PYGM: variants seen among roughly 807,000 people sequenced by gnomAD.
The protein encoded by PYGM is glycogen phosphorylase, muscle associated.
In PYGM, 81 loss-of-function variants were observed where a neutral mutation model predicts 99.3. The observed-to-expected ratio is 0.82, with a 90% CI of 0.68 to 0.98. The LOEUF is 0.98. PYGM is among the 50% of genes least tolerant of loss of function. The pLI is 0.00. For missense variants in PYGM, 1,030 were observed against 1,158.1 expected (o/e 0.89, Z 1.61); for synonymous variants, 436 against 451.5 (o/e 0.97, Z 0.44).
rs71581782 is a variant in PYGM, at chr11:64,753,495, C to T, written c.1403+24G>A. The T allele has an allele frequency of 2.5e-3, 3,885 of 1,564,218 alleles. 9 individuals are homozygous for T. The highest frequency in any genetic ancestry group is 0.012 in the Middle Eastern group (71 of 5,966). ...GGAGTGGGTGGGGCCTAGAGAGGGG[C>T]GGGATCTGGAAAGCGGGGCTCACAT... On this transcript the variant is annotated intron_variant, in intron 11 of 19. Coordinates refer to ENST00000164139, the MANE Select transcript of PYGM (RefSeq NM_005609.4).
chr11:64,751,988 C>T lies in PYGM; in HGVS notation c.1704G>A (p.Val568=), dbSNP rs1231749835. ...INPNSLFDIQ[V]KRIHEYKRQL... is the part of the protein sequence containing the mutation. ...GTCGTTTATATTCGTGAATCCGCTT[C>T]ACCTGGATGTCGAAGAGTGAGTTGG... is the stretch of plus-strand genomic sequence containing the variant. Residue 568 remains valine, a synonymous_variant, in exon 14 of 20, where the codon GTG becomes GTA. Coordinates refer to ENST00000164139, the MANE Select transcript of PYGM (RefSeq NM_005609.4). 6.2e-7 allele frequency: 1 copy of T among 1,613,986 alleles called. No individual in the cohort carries two copies. The highest frequency in any genetic ancestry group is 1.3e-5 in the African/African-American group (1 of 74,904).
At position 64,759,717 on chromosome 11, in the gene PYGM, C is replaced by CG. The variant is rs756441997; in HGVS notation, c.181dup (p.Arg61ProfsTer17). ...GATCCAGCGCCCCACGAGGTGGTCG[C>CG]GCACGGTATGGGCCAGAGCAAAGTA... On this transcript the variant is annotated frameshift_variant, in exon 1 of 20. Transcript: ENST00000164139. LOFTEE classifies it high-confidence loss of function. The CG allele has an allele frequency of 1.2e-6, 2 of 1,614,184 alleles. No homozygotes were observed. The highest frequency in any genetic ancestry group is 8.5e-7 in the Non-Finnish European group (1 of 1,180,028).
Position 64,752,392 on chromosome 11 carries a change from T to C in PYGM, c.1620+11A>G. The C allele has an allele frequency of 1.9e-6, 3 of 1,612,320 alleles. No homozygotes were observed. Among genetic ancestry groups the C allele is most frequent in the Non-Finnish European group, 2.5e-6 (3 of 1,178,334 alleles). ...CACAGCACAGCTGTCCCACATTGCATCTCTCCCCACCTGCTTCACTTTGGC... is the reference window on the plus strand; with the variant it reads ...CACAGCACAGCTGTCCCACATTGCACCTCTCCCCACCTGCTTCACTTTGGC... On this transcript the variant is annotated intron_variant, in intron 13 of 19. Coordinates refer to ENST00000164139, the MANE Select transcript of PYGM (RefSeq NM_005609.4).
At position 64,759,932 on chromosome 11, in the gene PYGM, G is replaced by A. The variant is rs2058423737; in HGVS notation, c.-34C>T. ...GAGGGCGGGCCGGACTGGACTGATGGTAGAGGGGACGGCGGCCTCAGCACT... is the reference window on the plus strand; with the variant it reads ...GAGGGCGGGCCGGACTGGACTGATGATAGAGGGGACGGCGGCCTCAGCACT... On this transcript the variant is annotated 5_prime_UTR_variant, in exon 1 of 20. Coordinates refer to ENST00000164139, the MANE Select transcript of PYGM (RefSeq NM_005609.4). 6.2e-7 allele frequency: 1 copy of A among 1,610,956 alleles called. No homozygotes were observed.
Position 64,758,459 on chromosome 11 carries a change from G to T in PYGM, c.402C>A (p.Asn134Lys). 3.7e-6 allele frequency: 6 copies of T among 1,613,938 alleles called. No individual in the cohort carries two copies. The highest frequency in any genetic ancestry group is 5.1e-6 in the Non-Finnish European group (6 of 1,180,010). ...EEIEEDAGLG[N>K]GGLGRLAACF... ...TACCTGCCAGCCGGCCCAGGCCCCC[G>T]TTGCCCAGCCCCGCATCCTCCTCAA... The change falls in exon 3 of 20, where the codon AAC becomes AAA. Residue 134 changes from asparagine (N) to lysine (K), a missense_variant. Coordinates refer to ENST00000164139, the MANE Select transcript of PYGM (RefSeq NM_005609.4).
Position 64,750,509 on chromosome 11 carries a change from A to G in PYGM, c.2044T>C (p.Phe682Leu), listed in dbSNP as rs745509448. Residue 682 changes from phenylalanine to leucine, a missense_variant, in exon 17 of 20, where the codon TTC (phenylalanine) becomes CTC (leucine). Coordinates refer to ENST00000164139, the MANE Select transcript of PYGM (RefSeq NM_005609.4). The part of the protein sequence containing the change: ...TEASGTGNMK[F>L]MLNGALTIGT... ...ATGGTCAGAGCCCCGTTGAGCATGA[A>G]CTTCATGTTGCCGGTGCCTGAGGCT... is the stretch of plus-strand genomic sequence containing the variant. 6.2e-7 allele frequency: 1 copy of G among 1,614,000 alleles called. No individual in the cohort carries two copies. Among genetic ancestry groups the G allele is most frequent in the Non-Finnish European group, 8.5e-7 (1 of 1,180,026 alleles).
intron 12 of PYGM, among the ~76,000 whole-genome samples, 194 bp downstream of exon 12, chr11:64,752,879 G>T (rs1048310885): frequency 3.3e-5 from 5 of 152,174 alleles, no homozygotes; most frequent in African/African-American, 9.7e-5. Flanking sequence ...GCCTCCATTA[G>T]CACACAGAGC....
intron 13 of PYGM, 125 bp downstream of exon 13, chr11:64,752,278 C>G: frequency 7.4e-7 from 1 of 1,350,516 alleles, no homozygotes; most frequent in Non-Finnish European, 1.0e-6. Flanking sequence ...AGACTCCAGG[C>G]AACTTCCACC....
upstream of PYGM, chr11:64,760,104 G>A: frequency 1.3e-6 from 1 of 787,550 alleles, no homozygotes. Flanking sequence ...AGAGGAGAGG[G>A]GAGGGAGAGG....
At position 64,753,547 on chromosome 11, in the gene PYGM, T is replaced by C. The variant is rs377371768; in HGVS notation, c.1375A>G (p.Ile459Val). The change falls in exon 11 of 20, where the codon ATC becomes GTC. Residue 459 changes from isoleucine (I) to valine (V), a missense_variant. By Grantham distance (29) the Ile-to-Val change is conservative. Coordinates refer to ENST00000164139, the MANE Select transcript of PYGM (RefSeq NM_005609.4). The part of the protein sequence containing the change: ...GSHAVNGVAR[I>V]HSEILKKTIF... ...GTCTTCTTGAGGATCTCGGAGTGGATGCGCGCCACGCCGTTGACGGCGTGC... is the reference window on the plus strand; with the variant it reads ...GTCTTCTTGAGGATCTCGGAGTGGACGCGCGCCACGCCGTTGACGGCGTGC... The C allele has an allele frequency of 3.5e-5, 56 of 1,598,178 alleles. No homozygotes were observed. The highest frequency in any genetic ancestry group is 4.7e-5 in the Non-Finnish European group (55 of 1,175,686).
intron 17 of PYGM, 112 bp downstream of exon 17, chr11:64,750,264 C>T: frequency 8.3e-7 from 1 of 1,208,910 alleles, no homozygotes; most frequent in Non-Finnish European, 1.2e-6. Flanking sequence ...TGGCCATGAC[C>T]AAGACCTTGC....
intron 12 of PYGM, 82 bp downstream of exon 12, chr11:64,752,991 A>G: frequency 7.8e-7 from 1 of 1,288,304 alleles, no homozygotes; most frequent in Non-Finnish European, 1.1e-6. Context: ...GCCCTGATGC[A>G]GTGAACCACC....
chr11:64,748,925 T>G (rs1245148551), intron 17 of PYGM: 1 of 151,804 alleles, frequency 6.6e-6, no homozygotes, highest in Non-Finnish European at 1.5e-5. Context: ...GGTGGGTGCC[T>G]GTAATCCCAG....
chr11:64,752,346 T>C, intron 13 of PYGM, 57 bp downstream of exon 13: 3 of 1,577,332 alleles, frequency 1.9e-6, no homozygotes, highest in Non-Finnish European at 1.7e-6. Flanking sequence ...CCCAGACATC[T>C]GGCCCCTCCA....
At chr11:64,753,455 G>A in intron 11 of PYGM, 64 bp downstream of exon 11, 3 of 1,517,352 alleles carry the variant, frequency 2.0e-6, no homozygotes, top group Non-Finnish European at 2.6e-6. Context: ...CGGGGCTTCT[G>A]TGTGACAGAG....
Position 64,751,412 on chromosome 11 carries a change from C to T in PYGM, c.1882G>A (p.Gly628Arg), listed in dbSNP as rs201591132. Reference protein sequence around the residue: ...KMIIRLVTAIGDVVNHDPAVG... With the variant: ...KMIIRLVTAIRDVVNHDPAVG... ...GCCGGGTCATGGTTGACCACATCCC[C>T]GATGGCTGTGACGAGTCTGATGATC... Residue 628 changes from glycine (G) to arginine (R), a missense_variant, in exon 16 of 20, where the codon GGG (glycine) becomes AGG (arginine). Coordinates refer to ENST00000164139, the MANE Select transcript of PYGM (RefSeq NM_005609.4). 66 of 1,614,118 alleles carry T rather than the reference C, an allele frequency of 4.1e-5. No individual in the cohort carries two copies. Among genetic ancestry groups the T allele is most frequent in the African/African-American group, 5.3e-5 (4 of 75,014 alleles).
rs954958210 is a variant in PYGM, at chr11:64,746,501, T to G, written c.*158A>C. 1.9e-6 allele frequency: 2 copies of G among 1,073,368 alleles called. No homozygotes were observed. Among genetic ancestry groups the G allele is most frequent in the Non-Finnish European group, 2.7e-6 (2 of 734,152 alleles). 66.5% of individuals were successfully genotyped at this position (1,073,368 alleles called of 1,614,324 possible). A position where few individuals can be genotyped will look rare whatever the true frequency, so the allele number is the denominator to read the frequency against. ...GACGGAAGGGGGCCCGTGTCCTTAG[T>G]CACGCTGGACACTGGGACATTGAGA... On this transcript the variant is annotated 3_prime_UTR_variant, in exon 20 of 20. Coordinates refer to ENST00000164139, the MANE Select transcript of PYGM (RefSeq NM_005609.4).
Position 64,746,462 on chromosome 11 carries a change from A to C in PYGM, c.*197T>G. 1.4e-6 allele frequency: 1 copy of C among 702,316 alleles called. No homozygotes were observed. Among genetic ancestry groups the C allele is most frequent in the Non-Finnish European group, 2.4e-6 (1 of 419,054 alleles). The allele number at this position is 702,316 out of a possible 1,614,324, so 43.5% of individuals were successfully genotyped here. A position where few individuals can be genotyped will look rare whatever the true frequency, so the allele number is the denominator to read the frequency against. On this transcript the variant is annotated 3_prime_UTR_variant, in exon 20 of 20. Transcript: ENST00000164139. ...GGTCAGACCCCATAAATAGGAGGGG[A>C]CCGGGAGCCCGAGGACGGAAGGGGG... is the stretch of plus-strand genomic sequence containing the variant.
At chr11:64,756,275 C>T (rs1171185942) in intron 5 of PYGM, among the ~76,000 whole-genome samples, 1 of 152,214 alleles carries the variant, frequency 6.6e-6, no homozygotes, top group Non-Finnish European at 1.5e-5. Flanking sequence ...GCCACAGCCA[C>T]TTGTGCCAGT....
Sources: gnomAD v4.1 joint callset for allele counts (sites outside exome capture counted in the v4.1 genomes callset) on GRCh38, gnomAD v4.1.1 for gene constraint, MANE v1.5 for transcripts, NCBI Gene and HGNC (gene_info 2026-07-23, HGNC 2026-07-21) for gene names.